Variants in ADAMTS17 observed in about 807,000 individuals in gnomAD.
ADAMTS17 encodes A disintegrin and metalloproteinase with thrombospondin motifs 17.
ADAMTS17 carries 113 observed loss-of-function variants against 141.5 expected under a neutral mutation model. The observed-to-expected ratio is 0.80, with a 90% CI of 0.69 to 0.93. ADAMTS17 has a LOEUF of 0.93. Ranked by LOEUF, ADAMTS17 falls within the 40% of genes least tolerant of loss-of-function variation. The probability of loss-of-function intolerance (pLI) is 0.00; values close to 1 mark genes in which losing one functional copy is unlikely to be tolerated. For synonymous variants in ADAMTS17, 768 were observed against 630.6 expected, an observed-to-expected ratio of 1.22 and a Z score of -3.27; for missense variants, 1,659 against 1,517.9, an observed-to-expected ratio of 1.09 and a Z score of -1.54.
chr15:100,054,078 A>C, intron 15 of ADAMTS17, 24 bp from the exon 16 acceptor site: 1 of 1,614,106 alleles, frequency 6.2e-7, no homozygotes, highest in Non-Finnish European at 8.5e-7. Flanking sequence ...TGAAGACCAA[A>C]GAATCAAGGG....
At chr15:100,013,398 C>G (rs2061225199) in intron 18 of ADAMTS17, among the ~76,000 whole-genome samples, 1 of 152,146 alleles carries the variant, frequency 6.6e-6, no homozygotes, top group South Asian at 2.1e-4. Context: ...TCTGATTGCT[C>G]TGGATAGGAC....
chr15:100,176,713 A>G (rs1207582387), intron 8 of ADAMTS17, among the ~76,000 whole-genome samples: 1 of 152,206 alleles, frequency 6.6e-6, no homozygotes, highest in Non-Finnish European at 1.5e-5. Flanking sequence ...AACCACCACA[A>G]TCAAGAAACT....
intron 11 of ADAMTS17, among the ~76,000 whole-genome samples, chr15:100,132,870 C>A (rs1017866536): frequency 1.3e-5 from 2 of 152,198 alleles, no homozygotes; most frequent in African/African-American, 4.8e-5. Flanking sequence ...ACTGTTCTCA[C>A]TGAATTATTT....
chr15:100,156,361 C>T (rs1194352620), intron 8 of ADAMTS17, among the ~76,000 whole-genome samples: 1 of 152,196 alleles, frequency 6.6e-6, no homozygotes. Context: ...AGGCCACCCC[C>T]ACACCCTTTT....
intron 8 of ADAMTS17, among the ~76,000 whole-genome samples, chr15:100,157,885 A>G (rs75902741): frequency 0.051 from 7,003 of 137,590 alleles, 180 homozygotes; most frequent in South Asian, 0.08. Context: ...GTTTAGCTAT[A>G]TTCTTTTTTT....
intron 18 of ADAMTS17, among the ~76,000 whole-genome samples, chr15:100,024,650 T>A (rs1238381107): frequency 1.3e-5 from 2 of 152,198 alleles, no homozygotes; most frequent in Admixed American, 1.3e-4. Flanking sequence ...CTAGTGACGA[T>A]GCTTTACATT....
chr15:100,021,866 C>A (rs568129056), intron 18 of ADAMTS17, among the ~76,000 whole-genome samples: 1 of 152,058 alleles, frequency 6.6e-6, no homozygotes, highest in Non-Finnish European at 1.5e-5. Context: ...TCTGCCTGCA[C>A]GCCCTCCTCA....
chr15:100,306,025 T>A (rs76154157), intron 3 of ADAMTS17: 1 of 158,268 alleles, frequency 6.3e-6, no homozygotes, highest in African/African-American at 2.4e-5. Context: ...ATGCCCACAG[T>A]TGATGCACAC....
chr15:100,324,663 C>G (rs1299840431), intron 3 of ADAMTS17, among the ~76,000 whole-genome samples: 1 of 152,172 alleles, frequency 6.6e-6, no homozygotes, highest in Non-Finnish European at 1.5e-5. Context: ...ATGGCAGATT[C>G]AAGAATACTA....
At chr15:99,976,012 C>A (rs765980719) in intron 21 of ADAMTS17, 33 bp downstream of exon 21, 1 of 1,538,652 alleles carries the variant, frequency 6.5e-7, no homozygotes, top group Non-Finnish European at 8.8e-7. Flanking sequence ...ACACAGCAGC[C>A]CCCTGGGAAC....
chr15:100,067,437 T>G (rs1448570035), intron 15 of ADAMTS17, among the ~76,000 whole-genome samples: 1 of 152,262 alleles, frequency 6.6e-6, no homozygotes, highest in Non-Finnish European at 1.5e-5. Context: ...TAAGCACGGA[T>G]AACAGGGAAA....
intron 10 of ADAMTS17, among the ~76,000 whole-genome samples, chr15:100,148,521 C>CTT (rs58967475): frequency 3.8e-4 from 55 of 144,868 alleles, no homozygotes; most frequent in African/African-American, 1.3e-3. Flanking sequence ...GGCTGACAGC[C>CTT]TTTTTTTTTT....
intron 8 of ADAMTS17, among the ~76,000 whole-genome samples, chr15:100,155,989 C>CCA (rs33993034): frequency 0.38 from 57,058 of 151,994 alleles, 10,854 homozygotes; most frequent in Middle Eastern, 0.44. Context: ...ATCCAGTTGC[C>CCA]CAGTTTGCTG....
At chr15:100,274,954 G>C (rs2142048954) in intron 4 of ADAMTS17, among the ~76,000 whole-genome samples, 1 of 152,226 alleles carries the variant, frequency 6.6e-6, no homozygotes, top group East Asian at 1.9e-4. Context: ...CTTTACACCA[G>C]CTTAACTTCA....
intron 18 of ADAMTS17, among the ~76,000 whole-genome samples, chr15:100,025,296 G>C (rs2061486071): frequency 6.6e-6 from 1 of 151,942 alleles, no homozygotes; most frequent in Non-Finnish European, 1.5e-5. Context: ...TGCTTCCCTG[G>C]AATACCTTTA....
At chr15:100,145,708 G>C (rs1487103766) in intron 10 of ADAMTS17, among the ~76,000 whole-genome samples, 1 of 152,198 alleles carries the variant, frequency 6.6e-6, no homozygotes, top group Non-Finnish European at 1.5e-5. Flanking sequence ...ATGCATTTAT[G>C]ATCCATCCTG....
At chr15:100,107,322 A>G (rs897347268) in intron 14 of ADAMTS17, among the ~76,000 whole-genome samples, 1 of 152,160 alleles carries the variant, frequency 6.6e-6, no homozygotes, top group Admixed American at 6.5e-5. Context: ...CCTGGAAGCC[A>G]GCATCTGGCT....
At chr15:100,268,472 T>G (rs1321062845) in intron 4 of ADAMTS17, among the ~76,000 whole-genome samples, 3 of 152,188 alleles carry the variant, frequency 2.0e-5, no homozygotes, top group Non-Finnish European at 4.4e-5. Flanking sequence ...TTTTCTGACT[T>G]TTTAATAATG....
intron 7 of ADAMTS17, among the ~76,000 whole-genome samples, chr15:100,200,052 C>T (rs563384138): frequency 6.0e-4 from 91 of 152,344 alleles, no homozygotes; most frequent in African/African-American, 2.0e-3. Context: ...CCAGAGGAAG[C>T]GGAGCCAGCG....
Sources: allele counts gnomAD v4.1 joint callset (sites outside exome capture counted in the v4.1 genomes callset), GRCh38; gene constraint gnomAD v4.1.1; transcripts MANE v1.5; gene names NCBI Gene and HGNC (gene_info 2026-07-23, HGNC 2026-07-21).